The following ZFHX3 variants were observed in gnomAD, a reference collection of about 807,000 sequenced individuals.
The protein encoded by ZFHX3 is zinc finger homeobox protein 3.
In ZFHX3, 42 loss-of-function variants were observed where a neutral mutation model predicts 279.1. The observed-to-expected ratio is 0.15, with a 90% CI of 0.12 to 0.19. The LOEUF is 0.19. ZFHX3 is among the 10% of genes least tolerant of loss of function. ZFHX3 has a pLI of 1.00. For missense variants in ZFHX3, 4,981 were observed against 4,754.0 expected (o/e 1.05, Z -1.40); for synonymous variants, 2,293 against 1,957.8 (o/e 1.17, Z -4.52).
chr16:73,803,305 A>G (rs1960189342), intron 1 of ZFHX3, among the ~76,000 whole-genome samples: 1 of 152,236 alleles, frequency 6.6e-6, no homozygotes, highest in East Asian at 1.9e-4. Flanking sequence ...AGGTATGTTC[A>G]GTTGAGGTAT....
intron 5 of ZFHX3, among the ~76,000 whole-genome samples, chr16:73,253,160 A>G (rs1237829434): frequency 6.6e-6 from 1 of 151,914 alleles, no homozygotes; most frequent in Non-Finnish European, 1.5e-5. Flanking sequence ...TTGCTCAAGG[A>G]CTCCTCCGTG....
At chr16:73,450,930 A>G (rs554662609) in intron 3 of ZFHX3, among the ~76,000 whole-genome samples, 3 of 152,322 alleles carry the variant, frequency 2.0e-5, no homozygotes, top group East Asian at 1.9e-4. Context: ...GAGCTTCATG[A>G]GTATTAAATG....
intron 5 of ZFHX3, among the ~76,000 whole-genome samples, chr16:73,178,817 T>G (rs1000506473): frequency 6.6e-6 from 1 of 152,146 alleles, no homozygotes; most frequent in African/African-American, 2.4e-5. Context: ...TGTTGACTAG[T>G]GAGTCAGTTC....
At chr16:73,670,310 G>A (rs1435616004) in intron 2 of ZFHX3, among the ~76,000 whole-genome samples, 1 of 152,178 alleles carries the variant, frequency 6.6e-6, no homozygotes, top group Non-Finnish European at 1.5e-5. Context: ...ATGCAAGAGA[G>A]AGGCCAACAC....
At chr16:72,934,827 T>C (rs918935540) in intron 3 of ZFHX3, among the ~76,000 whole-genome samples, 1 of 152,296 alleles carries the variant, frequency 6.6e-6, no homozygotes. Flanking sequence ...CGACAGTAAA[T>C]GAAACCACAA....
intron 4 of ZFHX3, among the ~76,000 whole-genome samples, chr16:73,298,299 C>T (rs1400485592): frequency 6.6e-6 from 1 of 151,778 alleles, no homozygotes; most frequent in Non-Finnish European, 1.5e-5. Context: ...ATTCTCCTGC[C>T]TCAGCCTCCC....
intron 1 of ZFHX3, among the ~76,000 whole-genome samples, chr16:73,013,547 C>T (rs550355315): frequency 5.3e-5 from 8 of 152,276 alleles, no homozygotes; most frequent in African/African-American, 9.6e-5. Context: ...CTTGGCCTCC[C>T]AAAGTGCTGG....
intron 3 of ZFHX3, among the ~76,000 whole-genome samples, chr16:73,377,635 C>A (rs531046856): frequency 6.6e-6 from 1 of 152,118 alleles, no homozygotes; most frequent in Admixed American, 6.5e-5. Flanking sequence ...CATCATGGTA[C>A]CACCATTTAT....
intron 4 of ZFHX3, among the ~76,000 whole-genome samples, chr16:72,849,015 T>C (rs2037546773): frequency 6.6e-6 from 1 of 152,048 alleles, no homozygotes; most frequent in Non-Finnish European, 1.5e-5. Context: ...CTTCAAATCA[T>C]CTGTTTCTCC....
chr16:72,887,998 T>C (rs1254719524), intron 4 of ZFHX3, among the ~76,000 whole-genome samples: 1 of 152,004 alleles, frequency 6.6e-6, no homozygotes. Flanking sequence ...AGCACACTGG[T>C]GAAATTCTCA....
At chr16:72,790,422 TC>T (rs1374336198) in intron 9 of ZFHX3, 1 of 152,048 alleles carries the variant, frequency 6.6e-6, no homozygotes, top group Non-Finnish European at 1.5e-5. Context: ...GGGAAGGAGT[TC>T]CATAACATGA....
chr16:73,181,224 C>T (rs1287420190), intron 5 of ZFHX3, among the ~76,000 whole-genome samples: 1 of 152,148 alleles, frequency 6.6e-6, no homozygotes, highest in Non-Finnish European at 1.5e-5. Context: ...CCTCAGCCTC[C>T]TGAGTAGCTG....
chr16:73,105,929 A>ACCCCCCCCCCCCCCCCCCC (rs34679627), intron 7 of ZFHX3, among the ~76,000 whole-genome samples: 5 of 110,848 alleles, frequency 4.5e-5, no homozygotes, highest in African/African-American at 6.9e-5. Flanking sequence ...ATGTACACGG[A>ACCCCCCCCCCCCCCCCCCC]CCCCCTCCCC....
chr16:72,837,692 C>G (rs2037232711), intron 4 of ZFHX3, among the ~76,000 whole-genome samples: 1 of 151,940 alleles, frequency 6.6e-6, no homozygotes, highest in African/African-American at 2.4e-5. Context: ...TCTTGAACTC[C>G]TGGCCTCAAG....
intron 1 of ZFHX3, among the ~76,000 whole-genome samples, chr16:73,728,199 G>C (rs1391064779): frequency 6.6e-6 from 1 of 152,146 alleles, no homozygotes; most frequent in Admixed American, 6.5e-5. Context: ...TCTCGAGAGA[G>C]AGAGAGAAGA....
intron 5 of ZFHX3, among the ~76,000 whole-genome samples, chr16:73,157,465 T>TTAAA (rs1346539597): frequency 2.6e-5 from 2 of 76,522 alleles, no homozygotes; most frequent in Non-Finnish European, 2.3e-5. Context: ...GAATGTTTGG[T>TTAAA]AAAAAAAAAA....
At chr16:73,808,979 C>T (rs908314370) in intron 1 of ZFHX3, among the ~76,000 whole-genome samples, 4 of 152,212 alleles carry the variant, frequency 2.6e-5, no homozygotes, top group East Asian at 3.9e-4. Flanking sequence ...GACCCAGTGC[C>T]GGATAGATTT....
intron 4 of ZFHX3, among the ~76,000 whole-genome samples, chr16:73,297,575 A>G (rs16971687): frequency 0.053 from 8,027 of 152,026 alleles, 784 homozygotes; most frequent in African/African-American, 0.18. Context: ...AAATCCTTCT[A>G]TCCACAACCT....
chr16:72,823,926 G>C (rs1436731668), intron 5 of ZFHX3, among the ~76,000 whole-genome samples: 1 of 151,824 alleles, frequency 6.6e-6, no homozygotes, highest in Non-Finnish European at 1.5e-5. Context: ...ACCTTCTTTT[G>C]TCCTTAGAGA....
Sources: allele counts gnomAD v4.1 joint callset (sites outside exome capture counted in the v4.1 genomes callset), GRCh38; gene constraint gnomAD v4.1.1; transcripts MANE v1.5; gene names NCBI Gene and HGNC (gene_info 2026-07-23, HGNC 2026-07-21).